TAFA4: variants seen among roughly 807,000 people sequenced by gnomAD.
TAFA4 encodes the protein TAFA chemokine like family member 4, also known as chemokine-like protein TAFA-4.
TAFA4 carries 20 observed loss-of-function variants against 21.1 expected under a neutral mutation model. The observed-to-expected ratio is 0.95, with a 90% confidence interval of 0.67 to 1.38. The LOEUF (loss-of-function observed/expected upper bound fraction) is 1.38. TAFA4 is among the 40% of genes most tolerant of loss of function. TAFA4 has a pLI of 0.00. For synonymous variants in TAFA4, 71 were observed against 67.4 expected (o/e 1.05, Z -0.26); for missense variants, 211 against 180.9 (o/e 1.17, Z -0.95).
At chr3:68,740,917 G>T (rs1702336783) in intron 4 of TAFA4, among the ~76,000 whole-genome samples, 1 of 152,094 alleles carries the variant, frequency 6.6e-6, no homozygotes, top group South Asian at 2.1e-4. Context: ...TTTCCCCATT[G>T]TGTAGTCTTG....
chr3:68,922,184 T>C (rs908463628), intron 1 of TAFA4, among the ~76,000 whole-genome samples: 61 of 152,310 alleles, frequency 4.0e-4, no homozygotes, highest in Non-Finnish European at 8.7e-4. Context: ...TGTAAGAAAG[T>C]GTTATACAAA....
rs190264194 is a variant in TAFA4 at position 68,829,987 on chromosome 3, A to G, written c.130+50743T>C. On this transcript the variant is annotated intron_variant, in intron 3 of 5. Coordinates refer to ENST00000295569, the MANE Select transcript of TAFA4 (RefSeq NM_182522.5). ...AGTTTATTTGCATAGAGGTGTTTAT[A>G]GTATTCTCTGATGGTAGTTTGTGTT... Among the ~76,000 whole-genome samples, 741 of 152,272 alleles carry G rather than the reference A, an allele frequency of 4.9e-3. 6 individuals carry two copies. Among genetic ancestry groups the G allele is most frequent in the Non-Finnish European group, 8.2e-3 (557 of 68,022 alleles).
At chr3:68,851,519 T>C (rs1029695186) in intron 3 of TAFA4, among the ~76,000 whole-genome samples, 4 of 152,124 alleles carry the variant, frequency 2.6e-5, no homozygotes, top group African/African-American at 9.7e-5. Context: ...TATGCTACTA[T>C]GAAGGACAGA....
At chr3:68,917,428 C>A (rs1446685605) in intron 1 of TAFA4, among the ~76,000 whole-genome samples, 6 of 152,052 alleles carry the variant, frequency 3.9e-5, no homozygotes, top group African/African-American at 9.7e-5. Context: ...CAGAGACCTC[C>A]CCCCCTGTGT....
intron 2 of TAFA4, among the ~76,000 whole-genome samples, chr3:68,884,908 G>C (rs1009176264): frequency 6.6e-6 from 1 of 152,188 alleles, no homozygotes. Flanking sequence ...GAGTGGTAGG[G>C]TTGGGGCCAG....
rs116594217 is a variant in TAFA4 at position 68,881,501 on chromosome 3, T to C, written c.15-656A>G. ...AACAAAAGAGTAAAAAAAAGGAAGA[T>C]ATCAAAAACATTATTCCCAGCTGCC... On this transcript the variant is annotated intron_variant, in intron 2 of 5. Transcript: ENST00000295569. 5.6e-3 allele frequency among the ~76,000 whole-genome samples: 855 copies of C among 152,336 alleles called. 9 individuals carry two copies. The highest frequency in any genetic ancestry group is 0.02 in the African/African-American group (818 of 41,592).
At chr3:68,801,914 A>T (rs1703586612) in intron 3 of TAFA4, among the ~76,000 whole-genome samples, 1 of 151,210 alleles carries the variant, frequency 6.6e-6, no homozygotes, top group Non-Finnish European at 1.5e-5. Context: ...TCCCCTAATC[A>T]TTCAAATAAT....
chr3:68,915,683 C>T (rs772229475), intron 1 of TAFA4, among the ~76,000 whole-genome samples: 12 of 152,128 alleles, frequency 7.9e-5, no homozygotes, highest in Non-Finnish European at 1.5e-4. Flanking sequence ...AGAATTAGAA[C>T]AGGGAGGTGA....
rs564119462 is a variant in TAFA4 at position 68,928,268 on chromosome 3, C to T, written c.-123+3972G>A. 1.3e-3 allele frequency among the ~76,000 whole-genome samples: 201 copies of T among 152,252 alleles called. 1 individual carries two copies. Among genetic ancestry groups the T allele is most frequent in the African/African-American group, 4.7e-3 (194 of 41,552 alleles). On this transcript the variant is annotated intron_variant, in intron 1 of 5. Coordinates refer to ENST00000295569, the MANE Select transcript of TAFA4 (RefSeq NM_182522.5). Reference sequence around the variant, plus strand: ...CCAGAATGTTTCCATAACATCAACACGCTACAGCTGGCACATACTGAGTGT... The same window carrying T: ...CCAGAATGTTTCCATAACATCAACATGCTACAGCTGGCACATACTGAGTGT...
intron 3 of TAFA4, among the ~76,000 whole-genome samples, chr3:68,778,463 T>C (rs1438178827): frequency 6.6e-6 from 1 of 152,166 alleles, no homozygotes; most frequent in African/African-American, 2.4e-5. Flanking sequence ...GAGACTGATA[T>C]GGTTTGGCTG....
intron 3 of TAFA4, among the ~76,000 whole-genome samples, chr3:68,805,226 G>A (rs1429224548): frequency 2.0e-5 from 3 of 152,232 alleles, no homozygotes; most frequent in Non-Finnish European, 4.4e-5. Flanking sequence ...CTGGCCATCA[G>A]AGAAATGCAA....
chr3:68,924,667 G>A (rs942073823), intron 1 of TAFA4, among the ~76,000 whole-genome samples: 1 of 152,156 alleles, frequency 6.6e-6, no homozygotes, highest in African/African-American at 2.4e-5. Context: ...AAAATGCTTA[G>A]TATAACACCC....
chr3:68,897,817 C>G (rs2089807311), intron 1 of TAFA4, among the ~76,000 whole-genome samples: 1 of 152,046 alleles, frequency 6.6e-6, no homozygotes, highest in African/African-American at 2.4e-5. Flanking sequence ...CTTTACCCAA[C>G]CTACTTGCCA....
At chr3:68,911,282 T>A (rs2089959461) in intron 1 of TAFA4, among the ~76,000 whole-genome samples, 2 of 152,234 alleles carry the variant, frequency 1.3e-5, no homozygotes, top group Non-Finnish European at 2.9e-5. Flanking sequence ...GTTTCTATCA[T>A]CTTCTCGTAA....
chr3:68,856,800 C>T (rs1705080068), intron 3 of TAFA4, among the ~76,000 whole-genome samples: 1 of 152,118 alleles, frequency 6.6e-6, no homozygotes, highest in African/African-American at 2.4e-5. Flanking sequence ...AACACAGAAA[C>T]AAAACCTACC....
chr3:68,855,685 TAC>T (rs940680604), intron 3 of TAFA4, among the ~76,000 whole-genome samples: 10 of 152,036 alleles, frequency 6.6e-5, no homozygotes, highest in African/African-American at 2.4e-4. Flanking sequence ...TATATGTATA[TAC>T]GTGTATATAA....
chr3:68,809,548 G>A (rs1703785214), intron 3 of TAFA4, among the ~76,000 whole-genome samples: 1 of 129,804 alleles, frequency 7.7e-6, no homozygotes, highest in South Asian at 2.3e-4. Flanking sequence ...TTGCCGTGCA[G>A]AAGTTCTCTA....
At position 68,803,705 on chromosome 3, in the gene TAFA4, G is replaced by A. The variant is rs115223930; in HGVS notation, c.131-50687C>T. On this transcript the variant is annotated intron_variant, in intron 3 of 5. Coordinates refer to ENST00000295569, the MANE Select transcript of TAFA4 (RefSeq NM_182522.5). The stretch of plus-strand genomic sequence containing the variant: ...AGTAAGTGGGAAAAAAAAAAAACAG[G>A]GATGTGACTCATTGTCTTCCTAAAG... 6.6e-3 allele frequency among the ~76,000 whole-genome samples: 990 copies of A among 151,032 alleles called. 12 individuals carry two copies. The highest frequency in any genetic ancestry group is 0.023 in the African/African-American group (934 of 41,202).
chr3:68,802,711 C>T (rs991210862), intron 3 of TAFA4, among the ~76,000 whole-genome samples: 1 of 152,206 alleles, frequency 6.6e-6, no homozygotes, highest in African/African-American at 2.4e-5. Context: ...ACACAGAGAA[C>T]TGTCTGACAC....
Sources: allele counts gnomAD v4.1 joint callset (sites outside exome capture counted in the v4.1 genomes callset), GRCh38; gene constraint gnomAD v4.1.1; transcripts MANE v1.5; gene names NCBI Gene and HGNC (gene_info 2026-07-23, HGNC 2026-07-21).